Variants in PODNL1 observed in about 807,000 individuals in gnomAD.
PODNL1 encodes the protein podocan like 1.
A neutral mutation model predicts 45.1 loss-of-function variants in PODNL1; 50 were observed. The observed-to-expected ratio is 1.11, with a 90% CI of 0.88 to 1.40. PODNL1 has a LOEUF of 1.40. Ranked by LOEUF, PODNL1 falls within the 40% of genes most tolerant of loss-of-function variation. The pLI is 0.00. For missense variants in PODNL1, 788 were observed against 793.3 expected, an observed-to-expected ratio of 0.99 and a Z score of 0.08; for synonymous variants, 406 against 372.5, an observed-to-expected ratio of 1.09 and a Z score of -1.04.
chr19:13,933,168 C>CGGCG lies in PODNL1; in HGVS notation c.1051_1054dup (p.Arg352ProfsTer20). 6.5e-7 allele frequency: 1 copy of CGGCG among 1,532,014 alleles called. No homozygotes were observed. Among genetic ancestry groups the CGGCG allele is most frequent in the Non-Finnish European group, 8.7e-7 (1 of 1,144,258 alleles). The allele number at this position is 1,532,014 out of a possible 1,614,324, so 94.9% of individuals were successfully genotyped here. Reference sequence around the variant, plus strand: ...GTGGGGCAGCACCAGGGCACGCAGGCGGCGGGGCAGGGCTGGAGGCACGCG... The same window carrying CGGCG: ...GTGGGGCAGCACCAGGGCACGCAGGCGGCGGGCGGGGCAGGGCTGGAGGCACGCG... On this transcript the variant is annotated frameshift_variant, in exon 8 of 10. Coordinates refer to ENST00000588872, the MANE Select transcript of PODNL1 (RefSeq NM_001370095.3). LOFTEE classifies it high-confidence loss of function. This position sits in a 1 kb window ranked among gnomAD's most constrained non-coding sequence, Gnocchi z 5.2.
intron 1 of PODNL1, among the ~76,000 whole-genome samples, chr19:13,951,112 C>T (rs1406621682): frequency 6.7e-6 from 1 of 149,256 alleles, no homozygotes; most frequent in Non-Finnish European, 1.5e-5. Flanking sequence ...TTTAAAAAAC[C>T]ATATTTTGGT....
intron 1 of PODNL1, among the ~76,000 whole-genome samples, chr19:13,948,786 A>AT (rs1972911054): frequency 6.9e-6 from 1 of 144,462 alleles, no homozygotes. Context: ...AAAAAAAAAA[A>AT]AAAAAAAAAA....
At chr19:13,950,523 C>T (rs184166388) in intron 1 of PODNL1, among the ~76,000 whole-genome samples, 1 of 152,242 alleles carries the variant, frequency 6.6e-6, no homozygotes, top group Admixed American at 6.5e-5. Context: ...CTGATGTTGT[C>T]TAATGGTTAG....
Position 13,937,818 on chromosome 19 carries a change from G to A in PODNL1, c.192C>T (p.Asn64=). Residue 64 remains asparagine, a synonymous_variant, in exon 2 of 10, where the codon AAC becomes AAT. Coordinates refer to ENST00000588872, the MANE Select transcript of PODNL1 (RefSeq NM_001370095.3). The stretch of plus-strand genomic sequence containing the variant: ...AGAGGTGCTGAGCGGCTCTGGTGAT[G>A]TTGTCCGGGAACACTCGAAGGTCCA... ...DGLDLRVFPD[N]ITRAAQHLSL... 6.3e-7 allele frequency: 1 copy of A among 1,594,444 alleles called. No individual in the cohort carries two copies. Among genetic ancestry groups the A allele is most frequent in the Non-Finnish European group, 8.5e-7 (1 of 1,172,040 alleles).
chr19:13,953,365 G>C (rs373710771), exon 1 of PODNL1: 2 of 491,674 alleles, frequency 4.1e-6, no homozygotes, highest in South Asian at 5.0e-5. Context: ...CGCCTTCTCC[G>C]TGAGGCTGGT....
chr19:13,950,555 A>G (rs1486204052), intron 1 of PODNL1, among the ~76,000 whole-genome samples: 1 of 152,164 alleles, frequency 6.6e-6, no homozygotes, highest in East Asian at 1.9e-4. Flanking sequence ...AGGTTTGGGG[A>G]TAATATCAGA....
At chr19:13,952,579 G>T in intron 1 of PODNL1, 1 of 1,266,104 alleles carries the variant, frequency 7.9e-7, no homozygotes, top group Non-Finnish European at 1.0e-6. Context: ...CCCCGGGGGA[G>T]CCGGAGGGAA....
chr19:13,933,596 G>T lies in PODNL1; in HGVS notation c.768-141C>A. 1.0e-6 allele frequency: 1 copy of T among 1,003,296 alleles called. No homozygotes were observed. Among genetic ancestry groups the T allele is most frequent in the Non-Finnish European group, 1.4e-6 (1 of 703,494 alleles). 62.1% of individuals were successfully genotyped at this position (1,003,296 alleles called of 1,614,324 possible). A position where few individuals can be genotyped will look rare whatever the true frequency, so the allele number is the denominator to read the frequency against. ...TGGGAGTGATGCGTGGAGAGAGCTG[G>T]GTGGGAGGTAAACTTGGGGTGCCCA... On this transcript the variant is annotated intron_variant, in intron 7 of 9. Coordinates refer to ENST00000588872, the MANE Select transcript of PODNL1 (RefSeq NM_001370095.3). This position sits in a 1 kb window ranked among gnomAD's most constrained non-coding sequence, Gnocchi z 5.2.
At chr19:13,949,123 C>T (rs540253663) in intron 1 of PODNL1, among the ~76,000 whole-genome samples, 10 of 151,918 alleles carry the variant, frequency 6.6e-5, no homozygotes, top group Admixed American at 1.3e-4. Context: ...TCAAGCCCAG[C>T]TAATTTTTGT....
At position 13,935,702 on chromosome 19, in the gene PODNL1, G is replaced by C; in HGVS notation, c.494+19C>G. On this transcript the variant is annotated intron_variant, in intron 5 of 9. Transcript: ENST00000588872. ...AGATGTATCTGAGGCCTGGGGGCCT[G>C]GGCTGGGCCAGGGTCTACCTGAGTG... The C allele has an allele frequency of 6.6e-7, 1 of 1,510,700 alleles. No individual in the cohort carries two copies. The highest frequency in any genetic ancestry group is 8.9e-7 in the Non-Finnish European group (1 of 1,126,932). The allele number at this position is 1,510,700 out of a possible 1,614,324, so 93.6% of individuals were successfully genotyped here. A position where few individuals can be genotyped will look rare whatever the true frequency, so the allele number is the denominator to read the frequency against.
intron 5 of PODNL1, 58 bp from the exon 6 acceptor site, chr19:13,934,468 C>T (rs1240243251): frequency 2.1e-6 from 3 of 1,436,676 alleles, no homozygotes; most frequent in East Asian, 2.6e-5. Context: ...CACCCCACTC[C>T]CGCACCACAC....
At chr19:13,951,419 T>TG (rs1973023427) in intron 1 of PODNL1, among the ~76,000 whole-genome samples, 1 of 152,084 alleles carries the variant, frequency 6.6e-6, no homozygotes, top group South Asian at 2.1e-4. Flanking sequence ...GAGGATCACT[T>TG]GAGCCCAGGT....
At chr19:13,952,994 T>G in intron 1 of PODNL1, 1 of 1,125,776 alleles carries the variant, frequency 8.9e-7, no homozygotes, top group Non-Finnish European at 1.3e-6. Context: ...GCTCCCATGG[T>G]TGCTCCATAA....
intron 1 of PODNL1, chr19:13,952,695 A>G (rs947669925): frequency 2.8e-5 from 29 of 1,051,256 alleles, no homozygotes; most frequent in Non-Finnish European, 3.3e-5. Context: ...GGGAGTAGGG[A>G]CGAGGGAGGC....
rs375784922 is a variant in PODNL1 at position 13,936,420 on chromosome 19, C to T, written c.266G>A (p.Arg89His). 1.9e-5 allele frequency: 31 copies of T among 1,613,380 alleles called. No individual in the cohort carries two copies. The highest frequency in any genetic ancestry group is 2.5e-5 in the Non-Finnish European group (30 of 1,179,672). ...LQELPYNELS[R>H]LSGLRTLNLH... ...GTTGAGGGTTCGCAGGCCACTGAGG[C>T]GGGACAGCTCATTGTAGGGGAGTTC... The change falls in exon 3 of 10, where the codon CGC becomes CAC. Residue 89 changes from arginine to histidine, a missense_variant. Coordinates refer to ENST00000588872, the MANE Select transcript of PODNL1 (RefSeq NM_001370095.3).
At chr19:13,936,145 C>CA in intron 3 of PODNL1, 101 bp from the exon 4 acceptor site, 1 of 1,135,242 alleles carries the variant, frequency 8.8e-7, no homozygotes, top group East Asian at 2.6e-5. Context: ...GGGGAACTGG[C>CA]AGAGGCTCCC....
chr19:13,933,490 C>CTT lies in PODNL1; in HGVS notation c.768-37_768-36dup. On this transcript the variant is annotated intron_variant, in intron 7 of 9. Transcript: ENST00000588872. This position sits in a 1 kb window ranked among gnomAD's most constrained non-coding sequence, Gnocchi z 5.2. ...GAGAGGGTCGGTGTTAGGTGGGGCA[C>CTT]TTGGAGTGGGGTGCCTGACAGATTT... 1 of 1,521,474 alleles carries CTT rather than the reference C, an allele frequency of 6.6e-7. No individual in the cohort carries two copies. Among genetic ancestry groups the CTT allele is most frequent in the Non-Finnish European group, 8.8e-7 (1 of 1,138,608 alleles). 94.2% of individuals were successfully genotyped at this position (1,521,474 alleles called of 1,614,324 possible).
At position 13,933,512 on chromosome 19, in the gene PODNL1, A is replaced by AT; in HGVS notation, c.768-58dup. ...GCACTTGGAGTGGGGTGCCTGACAGATTTTGGCGGGGAGGCTGGGGAGTGG... is the reference window on the plus strand; with the variant it reads ...GCACTTGGAGTGGGGTGCCTGACAGATTTTTGGCGGGGAGGCTGGGGAGTGG... On this transcript the variant is annotated intron_variant, in intron 7 of 9. Coordinates refer to ENST00000588872, the MANE Select transcript of PODNL1 (RefSeq NM_001370095.3). This position sits in a 1 kb window ranked among gnomAD's most constrained non-coding sequence, Gnocchi z 5.2. 1 of 1,499,078 alleles carries AT rather than the reference A, an allele frequency of 6.7e-7. No homozygotes were observed. Among genetic ancestry groups the AT allele is most frequent in the Non-Finnish European group, 8.9e-7 (1 of 1,126,262 alleles). The allele number at this position is 1,499,078 out of a possible 1,614,324, so 92.9% of individuals were successfully genotyped here. A position where few individuals can be genotyped will look rare whatever the true frequency, so the allele number is the denominator to read the frequency against.
chr19:13,938,147 C>A, intron 1 of PODNL1, 32 bp downstream of exon 1: 1 of 1,578,176 alleles, frequency 6.3e-7, no homozygotes, highest in Non-Finnish European at 8.6e-7. Context: ...CAGGCAGGCC[C>A]CACCCTCAGA....
Sources: gnomAD v4.1 joint callset for allele counts (sites outside exome capture counted in the v4.1 genomes callset) on GRCh38, gnomAD v4.1.1 for gene constraint, Gnocchi (gnomAD v3.1) non-coding constraint, MANE v1.5 for transcripts, NCBI Gene and HGNC (gene_info 2026-07-23, HGNC 2026-07-21) for gene names.